CPSF1: variants seen among roughly 807,000 people sequenced by gnomAD.
CPSF1 encodes the protein cleavage and polyadenylation specific factor 1.
Under a neutral mutation model 175.8 loss-of-function variants are expected in CPSF1, and 106 were observed. The observed-to-expected ratio is 0.60, with a 90% CI of 0.52 to 0.71. The LOEUF (loss-of-function observed/expected upper bound fraction) is 0.71. CPSF1 is among the 30% of genes least tolerant of loss of function. The pLI is 0.00. For missense variants in CPSF1, 1,734 were observed against 2,022.9 expected, an observed-to-expected ratio of 0.86 and a Z score of 2.74; for synonymous variants, 1,024 against 858.3, an observed-to-expected ratio of 1.19 and a Z score of -3.37.
intron 23 of CPSF1, 86 bp from the exon 24 acceptor site, chr8:144,397,015 A>C: frequency 1.1e-6 from 1 of 874,368 alleles, no homozygotes; most frequent in Non-Finnish European, 1.7e-6. Context: ...GCTGTGGGTA[A>C]GGGGCGGGGC....
Position 144,397,401 on chromosome 8 carries a change from G to A in CPSF1, c.2398C>T (p.Pro800Ser). ...ACCAGGAACACCAGCCGCCAGTCGG[G>A]AAGCTGGTAGATCTGCAGGGTGGGC... The part of the protein sequence containing the change: ...ENGTMEIYQL[P>S]DWRLVFLVKN... The change falls in exon 23 of 38, where the codon CCC (proline) becomes TCC (serine). Residue 800 changes from proline to serine, a missense_variant. This residue lies in a region of CPSF1 where 585 missense variants were observed against 584.7 expected (regional missense o/e 1.00). Transcript: ENST00000616140. The A allele has an allele frequency of 1.3e-6, 2 of 1,572,928 alleles. No individual in the cohort carries two copies. The highest frequency in any genetic ancestry group is 1.2e-5 in the South Asian group (1 of 86,626).
At position 144,397,668 on chromosome 8, in the gene CPSF1, GC is replaced by G. The variant is rs1564689251; in HGVS notation, c.2211-8del. The G allele has an allele frequency of 6.5e-7, 1 of 1,542,730 alleles. No homozygotes were observed. The highest frequency in any genetic ancestry group is 2.3e-5 in the East Asian group (1 of 44,000). ...CTCGTCATCCACTGTGGGGCTGGGG[GC>G]CAGCAGAAGGTCATGGGCGGCCTGC... On this transcript the variant is annotated splice_polypyrimidine_tract_variant and splice_region_variant and intron_variant, in intron 21 of 37. Coordinates refer to ENST00000616140, the MANE Select transcript of CPSF1 (RefSeq NM_013291.3).
Position 144,397,385 on chromosome 8 carries a change from A to G in CPSF1, c.2414T>C (p.Val805Ala), listed in dbSNP as rs1554864354. 1.9e-6 allele frequency: 3 copies of G among 1,567,550 alleles called. No individual in the cohort carries two copies. Among genetic ancestry groups the G allele is most frequent in the Non-Finnish European group, 1.7e-6 (2 of 1,156,594 alleles). Residue 805 changes from valine (V) to alanine (A), a missense_variant, in exon 23 of 38, where the codon GTG (valine) becomes GCG (alanine). Transcript: ENST00000616140. ...CACAGGGAAGTTCTTCACCAGGAACACCAGCCGCCAGTCGGGAAGCTGGTA... is the reference window on the plus strand; with the variant it reads ...CACAGGGAAGTTCTTCACCAGGAACGCCAGCCGCCAGTCGGGAAGCTGGTA... Reference protein sequence around the residue: ...EIYQLPDWRLVFLVKNFPVGQ... With the variant: ...EIYQLPDWRLAFLVKNFPVGQ...
chr8:144,397,155 G>C lies in CPSF1; in HGVS notation c.2592+52C>G, dbSNP rs574443982. ...GGAAGGGGCGGGGCTGTGGGGGAAC[G>C]GGCAGGGCCAGGGGGAAGATGGGAA... On this transcript the variant is annotated intron_variant, in intron 23 of 37. Coordinates refer to ENST00000616140, the MANE Select transcript of CPSF1 (RefSeq NM_013291.3). 8.8e-6 allele frequency: 13 copies of C among 1,480,356 alleles called. No homozygotes were observed. The East Asian group carries it at 1.2e-4, about 14-fold the overall frequency. The allele number at this position is 1,480,356 out of a possible 1,614,324, so 91.7% of individuals were successfully genotyped here. A position where few individuals can be genotyped will look rare whatever the true frequency, so the allele number is the denominator to read the frequency against.
chr8:144,400,130 C>T, intron 9 of CPSF1, 36 bp downstream of exon 9: 1 of 1,142,274 alleles, frequency 8.8e-7, no homozygotes, highest in Non-Finnish European at 1.2e-6. Context: ...CCAAGCCGTC[C>T]CCGGGCCCCC....
chr8:144,399,871 G>A lies in CPSF1; in HGVS notation c.1032-3C>T, dbSNP rs2116867222. 1 of 1,555,324 alleles carries A rather than the reference G, an allele frequency of 6.4e-7. No homozygotes were observed. Among genetic ancestry groups the A allele is most frequent in the Admixed American group, 1.9e-5 (1 of 51,366 alleles). On this transcript the variant is annotated splice_polypyrimidine_tract_variant and splice_region_variant and intron_variant, in intron 10 of 37. Transcript: ENST00000616140. This position sits in a 1 kb window ranked among gnomAD's most constrained non-coding sequence, Gnocchi z 6.4. ...CGGTGATGAGGGTCAGCACGTAGCT[G>A]GGGGCAGGGAGAATTCTGAGTCGGG...
chr8:144,402,747 A>T (rs1334809227), intron 2 of CPSF1, among the ~76,000 whole-genome samples: 1 of 152,164 alleles, frequency 6.6e-6, no homozygotes, highest in Non-Finnish European at 1.5e-5. Flanking sequence ...CAAAGGTTTC[A>T]GAAGTAATGA....
Position 144,398,145 on chromosome 8 carries a change from G to C in CPSF1, c.1895-13C>G. ...TGCAGCTGATTCACTGTAGGCATGG[G>C]GCAGTCAGCATGCGCCTCCCCACCA... On this transcript the variant is annotated splice_polypyrimidine_tract_variant and intron_variant, in intron 19 of 37. Transcript: ENST00000616140. The C allele has an allele frequency of 7.4e-7, 1 of 1,352,814 alleles. No individual in the cohort carries two copies. Among genetic ancestry groups the C allele is most frequent in the Non-Finnish European group, 9.6e-7 (1 of 1,041,124 alleles). 83.8% of individuals were successfully genotyped at this position (1,352,814 alleles called of 1,614,324 possible).
rs201671475 is a variant in CPSF1 at position 144,395,468 on chromosome 8, C to T, written c.3063G>A (p.Thr1021=). 146 of 1,610,596 alleles carry T rather than the reference C, an allele frequency of 9.1e-5. 1 individual carries two copies. Among genetic ancestry groups the T allele is most frequent in the Admixed American group, 6.0e-4 (36 of 59,840 alleles). ...WPVRKIPLRC[T]AHYVAYHVES... ...CCACGTGGTAAGCCACATAGTGGGC[C>T]GTGCAGCGCAGCGGGATCTTCCTGA... The change falls in exon 27 of 38, where the codon ACG becomes ACA. Residue 1021 remains threonine (T), a synonymous_variant. Transcript: ENST00000616140.
chr8:144,402,386 C>A (rs1821266734), intron 2 of CPSF1, among the ~76,000 whole-genome samples: 1 of 152,168 alleles, frequency 6.6e-6, no homozygotes, highest in South Asian at 2.1e-4. Flanking sequence ...TGGCTCACTG[C>A]AACCTCTGCC....
chr8:144,395,058 A>C, intron 29 of CPSF1, 35 bp from the exon 30 acceptor site: 3 of 1,603,542 alleles, frequency 1.9e-6, no homozygotes, highest in Non-Finnish European at 2.6e-6. Context: ...TGCTGCCTGG[A>C]GGCCTTGGGC....
At chr8:144,397,003 G>T in intron 23 of CPSF1, 74 bp from the exon 24 acceptor site, 1 of 1,182,648 alleles carries the variant, frequency 8.5e-7, no homozygotes, top group Non-Finnish European at 1.2e-6. Context: ...GGGAAGAGGT[G>T]GGCTGTGGGT....
chr8:144,408,115 T>C (rs2116910286), intron 2 of CPSF1, among the ~76,000 whole-genome samples: 3 of 152,314 alleles, frequency 2.0e-5, no homozygotes, highest in African/African-American at 7.2e-5. Flanking sequence ...ATCTGCCTGC[T>C]GGGTCAGCCC....
Position 144,409,173 on chromosome 8 carries a change from C to T in CPSF1, c.-14-1G>A. ...ACGGCGTACATGGCGCCAACCCGGG[C>T]TGCGCAAGGCCGGGAGAGGAAGGGT... On this transcript the variant is annotated splice_acceptor_variant, in intron 1 of 37. Transcript: ENST00000616140. LOFTEE classifies it low-confidence loss of function (5UTR_SPLICE). 2 of 1,600,302 alleles carry T rather than the reference C, an allele frequency of 1.2e-6. No individual in the cohort carries two copies. The highest frequency in any genetic ancestry group is 8.5e-7 in the Non-Finnish European group (1 of 1,173,890).
Position 144,393,488 on chromosome 8 carries a change from G to C in CPSF1, c.4248C>G (p.Ser1416Arg). ...RYLYLSTMERSELAKKIGTTP... is the reference protein window; with the variant it reads ...RYLYLSTMERRELAKKIGTTP... ...TGGTGCCGATCTTCTTGGCTAGCTC[G>C]CTGCGCTCCATGGTGCTCAGGTACA... The change falls in exon 37 of 38, where the codon AGC becomes AGG. Residue 1416 changes from serine to arginine, a missense_variant. Coordinates refer to ENST00000616140, the MANE Select transcript of CPSF1 (RefSeq NM_013291.3). 1 of 1,572,442 alleles carries C rather than the reference G, an allele frequency of 6.4e-7. No homozygotes were observed. The highest frequency in any genetic ancestry group is 8.6e-7 in the Non-Finnish European group (1 of 1,160,460).
At chr8:144,405,455 T>C (rs188260912) in intron 2 of CPSF1, among the ~76,000 whole-genome samples, 1 of 152,194 alleles carries the variant, frequency 6.6e-6, no homozygotes, top group African/African-American at 2.4e-5. Context: ...AAACCCCATC[T>C]CTACCAAAAA....
rs1821047489 is a variant in CPSF1 at position 144,399,816 on chromosome 8, A to C, written c.1084T>G (p.Phe362Val). ...DGMRSVRAFH[F>V]DKAAASVLTT... is the part of the protein sequence containing the mutation. ...AGGACGCTGGCGGCCGCCTTGTCAA[A>C]GTGGAACGCTCGGACACTGCGCATG... Residue 362 changes from phenylalanine (F) to valine (V), a missense_variant, in exon 11 of 38, where the codon TTT becomes GTT. Phe to Val is a conservative substitution (Grantham distance 50). Transcript: ENST00000616140. The surrounding 1 kb of genome is among the most constrained non-coding windows in gnomAD (Gnocchi z 6.4). 3.2e-6 allele frequency: 5 copies of C among 1,558,980 alleles called. No individual in the cohort carries two copies. The Admixed American group carries it at 7.7e-5, about 24-fold the overall frequency.
chr8:144,396,726 T>G lies in CPSF1; in HGVS notation c.2698A>C (p.Asn900His). 6.2e-7 allele frequency: 1 copy of G among 1,613,774 alleles called. No individual in the cohort carries two copies. Among genetic ancestry groups the G allele is most frequent in the Non-Finnish European group, 8.5e-7 (1 of 1,179,948 alleles). ...VRFKKVPHNI[N>H]FREKKPKPSK... ...GGCTTTGGCTTCTTCTCACGGAAGT[T>G]GATGTTGTGAGGGACCTGGGGGGGA... Residue 900 changes from asparagine (N) to histidine (H), a missense_variant, in exon 25 of 38, where the codon AAC (asparagine) becomes CAC (histidine). By Grantham distance (68) the Asn-to-His change is moderately conservative. Transcript: ENST00000616140.
In CPSF1 at chr8:144,393,935, T is replaced by C. The variant is rs1554862456; in HGVS notation, c.3963A>G (p.Glu1321=). The change falls in exon 35 of 38, where the codon GAA becomes GAG. Residue 1321 remains glutamate (E), a synonymous_variant. Coordinates refer to ENST00000616140, the MANE Select transcript of CPSF1 (RefSeq NM_013291.3). The part of the protein sequence containing the change: ...FWRTPCRGAT[E]GLSKKSVVWE... Reference sequence around the variant, plus strand: ...ACACGACCGACTTTTTGCTGAGCCCTTCAGTGGCCCCCCGGCACGGGGTCC... The same window carrying C: ...ACACGACCGACTTTTTGCTGAGCCCCTCAGTGGCCCCCCGGCACGGGGTCC... The C allele has an allele frequency of 6.2e-7, 1 of 1,613,522 alleles. No individual in the cohort carries two copies. The highest frequency in any genetic ancestry group is 1.7e-5 in the Admixed American group (1 of 59,984).
Sources: gnomAD v4.1 joint callset for allele counts (sites outside exome capture counted in the v4.1 genomes callset) on GRCh38, gnomAD v4.1.1 for gene constraint, gnomAD v4.1.1 regional missense constraint, Gnocchi (gnomAD v3.1) non-coding constraint, MANE v1.5 for transcripts, NCBI Gene and HGNC (gene_info 2026-07-23, HGNC 2026-07-21) for gene names.